The following PTPRK variants were observed in gnomAD, a reference collection of about 807,000 sequenced individuals.
PTPRK encodes receptor-type tyrosine-protein phosphatase kappa.
A neutral mutation model predicts 178.0 loss-of-function variants in PTPRK; 75 were observed. That is an observed-to-expected ratio of 0.42 (90% CI 0.35 to 0.51). The LOEUF is 0.51. Ranked by LOEUF, PTPRK falls within the 20% of genes least tolerant of loss-of-function variation. The pLI is 0.02. For synonymous variants in PTPRK, 637 were observed against 620.6 expected (o/e 1.03, Z -0.39); for missense variants, 1,441 against 1,797.8 (o/e 0.80, Z 3.59).
Position 128,470,288 on chromosome 6 carries a change from G to T in PTPRK, c.100+49971C>A, listed in dbSNP as rs554199833. On this transcript the variant is annotated intron_variant, in intron 1 of 29. Coordinates refer to ENST00000368226, the MANE Select transcript of PTPRK (RefSeq NM_002844.4). ...TATATATATATATATGAGTTTATTG[G>T]AATGTTCTAAGGTTTTCTAGAGTTC... 2.9e-4 allele frequency among the ~76,000 whole-genome samples: 43 copies of T among 149,394 alleles called. No individual in the cohort carries two copies. The South Asian group carries it at 8.7e-3, about 30-fold the overall frequency.
intron 1 of PTPRK, among the ~76,000 whole-genome samples, chr6:128,498,735 T>C (rs1418300248): frequency 1.3e-5 from 2 of 152,208 alleles, no homozygotes; most frequent in South Asian, 2.1e-4. Flanking sequence ...TAAAAACATA[T>C]ATCTTGACAA....
At chr6:128,117,446 A>G (rs1468499025) in intron 7 of PTPRK, among the ~76,000 whole-genome samples, 5 of 152,202 alleles carry the variant, frequency 3.3e-5, no homozygotes, top group Admixed American at 3.3e-4. Flanking sequence ...ATCGCACGAC[A>G]TAAACTTTAG....
chr6:128,487,906 T>C (rs1015935794), intron 1 of PTPRK, among the ~76,000 whole-genome samples: 1 of 152,302 alleles, frequency 6.6e-6, no homozygotes, highest in African/African-American at 2.4e-5. Context: ...CAATGAGGTG[T>C]AGATTCCTGT....
At chr6:128,425,969 A>G (rs1236368570) in intron 1 of PTPRK, among the ~76,000 whole-genome samples, 2 of 152,228 alleles carry the variant, frequency 1.3e-5, no homozygotes, top group South Asian at 4.1e-4. Context: ...TTTTTACTAC[A>G]AGACTGCTCA....
chr6:128,426,075 A>C (rs1331498210), intron 1 of PTPRK, among the ~76,000 whole-genome samples: 1 of 152,186 alleles, frequency 6.6e-6, no homozygotes, highest in East Asian at 1.9e-4. Flanking sequence ...CTCTGTGTGC[A>C]TGTTATCTCT....
chr6:127,974,849 T>C (rs1774345424), intron 27 of PTPRK, among the ~76,000 whole-genome samples: 1 of 152,170 alleles, frequency 6.6e-6, no homozygotes, highest in Admixed American at 6.5e-5. Flanking sequence ...CAGTAGAACT[T>C]TGCATAATAC....
intron 1 of PTPRK, among the ~76,000 whole-genome samples, chr6:128,462,468 C>A (rs184797103): frequency 9.2e-5 from 14 of 151,932 alleles, no homozygotes; most frequent in African/African-American, 3.4e-4. Context: ...GCATTTATTA[C>A]AGATCTCAAT....
At chr6:128,367,522 T>C (rs1237297327) in intron 2 of PTPRK, among the ~76,000 whole-genome samples, 1 of 152,050 alleles carries the variant, frequency 6.6e-6, no homozygotes, top group Non-Finnish European at 1.5e-5. Context: ...AAAACACCAA[T>C]ACCCTGGCCC....
chr6:128,119,000 T>C (rs558937503), intron 7 of PTPRK, among the ~76,000 whole-genome samples: 24 of 152,312 alleles, frequency 1.6e-4, no homozygotes, highest in African/African-American at 5.8e-4. Context: ...AAAAGAACAG[T>C]GAGAAACATT....
Position 127,970,137 on chromosome 6 carries a change from C to T in PTPRK, c.*90G>A. 9.7e-7 allele frequency: 1 copy of T among 1,027,968 alleles called. No individual in the cohort carries two copies. The highest frequency in any genetic ancestry group is 1.4e-6 in the Non-Finnish European group (1 of 703,734). 63.7% of individuals were successfully genotyped at this position (1,027,968 alleles called of 1,614,324 possible). ...AGTCTCCCACCCCCCACATTAAAAT[C>T]TTTCTGCACAAGTGTAACAGGTACA... On this transcript the variant is annotated 3_prime_UTR_variant, in exon 30 of 30. Transcript: ENST00000368226.
In PTPRK at chr6:128,374,012, T is replaced by C. The variant is rs186494804; in HGVS notation, c.223+23554A>G. ...CTCTGATTTTCCAGTACCTTTCCAG[T>C]ACACATTTTAATATTAATCTCACAC... On this transcript the variant is annotated intron_variant, in intron 2 of 29. Coordinates refer to ENST00000368226, the MANE Select transcript of PTPRK (RefSeq NM_002844.4). Among the ~76,000 whole-genome samples, 9 of 152,268 alleles carry C rather than the reference T, an allele frequency of 5.9e-5. No individual in the cohort carries two copies. The East Asian group carries it at 1.5e-3, about 26-fold the overall frequency.
At chr6:128,490,704 T>C (rs2128428983) in intron 1 of PTPRK, among the ~76,000 whole-genome samples, 1 of 152,326 alleles carries the variant, frequency 6.6e-6, no homozygotes, top group South Asian at 2.1e-4. Flanking sequence ...TGTATTAGTA[T>C]ACTAGGGCCA....
At chr6:128,025,626 C>T (rs1202366645) in intron 13 of PTPRK, among the ~76,000 whole-genome samples, 1 of 152,190 alleles carries the variant, frequency 6.6e-6, no homozygotes, top group African/African-American at 2.4e-5. Context: ...GTTCTGGGAA[C>T]TAGAGGGCCC....
intron 3 of PTPRK, among the ~76,000 whole-genome samples, chr6:128,290,973 A>T (rs1823287023): frequency 6.6e-6 from 1 of 152,110 alleles, no homozygotes; most frequent in South Asian, 2.1e-4. Flanking sequence ...TTAAAAGATA[A>T]TGTAGTAGAC....
At chr6:128,447,928 TC>T (rs1847247174) in intron 1 of PTPRK, among the ~76,000 whole-genome samples, 1 of 152,136 alleles carries the variant, frequency 6.6e-6, no homozygotes, top group South Asian at 2.1e-4. Context: ...GGCCCATTCT[TC>T]CTAAAGATAA....
At chr6:128,140,596 AAG>A (rs1449052320) in intron 7 of PTPRK, among the ~76,000 whole-genome samples, 1 of 151,988 alleles carries the variant, frequency 6.6e-6, no homozygotes, top group Non-Finnish European at 1.5e-5. Flanking sequence ...TTTTTCAAGA[AAG>A]AGTGAATTAT....
chr6:128,282,058 C>T (rs1010625585), intron 3 of PTPRK, among the ~76,000 whole-genome samples: 1 of 152,094 alleles, frequency 6.6e-6, no homozygotes, highest in African/African-American at 2.4e-5. Context: ...TTTTCTGCTG[C>T]CTGGTTTATT....
chr6:128,091,685 T>C (rs183459674), intron 7 of PTPRK, among the ~76,000 whole-genome samples: 4 of 152,054 alleles, frequency 2.6e-5, no homozygotes, highest in Admixed American at 2.6e-4. Context: ...TTTAACCCGC[T>C]AATTCTTTAA....
intron 7 of PTPRK, among the ~76,000 whole-genome samples, chr6:128,120,947 T>A (rs1792357344): frequency 6.6e-6 from 1 of 151,900 alleles, no homozygotes; most frequent in African/African-American, 2.4e-5. Flanking sequence ...TACCTTTTTT[T>A]CCTTCAGAAT....
Sources: allele counts gnomAD v4.1 joint callset (sites outside exome capture counted in the v4.1 genomes callset), GRCh38; gene constraint gnomAD v4.1.1; transcripts MANE v1.5; gene names NCBI Gene and HGNC (gene_info 2026-07-23, HGNC 2026-07-21).